The following KCNK9 variants were observed in gnomAD, a reference collection of about 807,000 sequenced individuals.
KCNK9 encodes the protein potassium channel subfamily K member 9.
A neutral mutation model predicts 10.8 loss-of-function variants in KCNK9; 1 was observed. The observed-to-expected ratio is 0.09, with a 90% CI of 0.03 to 0.44. KCNK9 has a LOEUF of 0.44. Among genes scored for constraint, KCNK9 ranks in the 20% least tolerant of loss-of-function variants. KCNK9 has a pLI of 0.97. For missense variants in KCNK9, 303 were observed against 515.0 expected (o/e 0.59, Z 3.98); for synonymous variants, 231 against 222.7 (o/e 1.04, Z -0.33).
At chr8:139,644,763 G>T (rs1815624015) in intron 1 of KCNK9, among the ~76,000 whole-genome samples, 1 of 131,368 alleles carries the variant, frequency 7.6e-6, no homozygotes, top group African/African-American at 2.9e-5. Flanking sequence ...TACAATCCCA[G>T]CATGCCTTGC....
chr8:139,620,731 G>A (rs777594662), intron 1 of KCNK9, among the ~76,000 whole-genome samples: 11 of 152,140 alleles, frequency 7.2e-5, no homozygotes, highest in African/African-American at 1.4e-4. Context: ...CCCAGCTAGC[G>A]CTGAGCTCTG....
At chr8:139,626,015 T>C (rs780619965) in intron 1 of KCNK9, among the ~76,000 whole-genome samples, 47 of 152,320 alleles carry the variant, frequency 3.1e-4, no homozygotes, top group Non-Finnish European at 5.7e-4. Context: ...TAGTGCAAGA[T>C]GCATACTATA....
At chr8:139,671,511 CTTTTTTTTT>C (rs35081138) in intron 1 of KCNK9, among the ~76,000 whole-genome samples, 1 of 132,740 alleles carries the variant, frequency 7.5e-6, no homozygotes, top group Non-Finnish European at 1.6e-5. Flanking sequence ...TTTTTAGTTT[CTTTTTTTTT>C]TTTTTTTTTA....
intron 1 of KCNK9, among the ~76,000 whole-genome samples, chr8:139,628,165 G>A (rs533281923): frequency 1.4e-4 from 21 of 152,330 alleles, no homozygotes; most frequent in Admixed American, 6.5e-5. Flanking sequence ...GAGGGCGGCA[G>A]GAGAGTGAGG....
downstream of KCNK9, among the ~76,000 whole-genome samples, chr8:139,610,869 C>A (rs1487941033): frequency 1.3e-5 from 2 of 152,242 alleles, no homozygotes; most frequent in Non-Finnish European, 2.9e-5. Context: ...TATGCTGTGT[C>A]ATGTCTCCCA....
At chr8:139,670,331 A>T (rs1816397611) in intron 1 of KCNK9, among the ~76,000 whole-genome samples, 1 of 152,246 alleles carries the variant, frequency 6.6e-6, no homozygotes, top group Non-Finnish European at 1.5e-5. Context: ...AATGAGACGC[A>T]GAGACCCAAA....
chr8:139,661,816 A>G (rs1816157689), intron 1 of KCNK9, among the ~76,000 whole-genome samples: 1 of 152,182 alleles, frequency 6.6e-6, no homozygotes, highest in South Asian at 2.1e-4. Flanking sequence ...CTGGGCTGCA[A>G]AGGGGACCAT....
At chr8:139,651,369 C>T (rs12544666) in intron 1 of KCNK9, among the ~76,000 whole-genome samples, 12,095 of 152,286 alleles carry the variant, frequency 0.079, 541 homozygotes, top group South Asian at 0.13. Flanking sequence ...CTCCTGACCA[C>T]GGATGGGCAC....
intron 1 of KCNK9, among the ~76,000 whole-genome samples, chr8:139,700,203 G>A (rs185780785): frequency 1.3e-5 from 2 of 152,336 alleles, no homozygotes; most frequent in African/African-American, 4.8e-5. Context: ...GTCCAAGAGC[G>A]TGGATTCCGT....
rs574616120 is a variant in KCNK9, at chr8:139,641,217, G to A, written c.284-22118C>T. ...GTGCTGTGGTGAGAACCCTGGGCCC[G>A]GACCCTGCAGGAACAGCTCATTCAT... is the stretch of plus-strand genomic sequence containing the variant. On this transcript the variant is annotated intron_variant, in intron 1 of 1. Transcript: ENST00000520439. 1.0e-3 allele frequency among the ~76,000 whole-genome samples: 157 copies of A among 152,260 alleles called. 5 individuals are homozygous for A. Among genetic ancestry groups the A allele is most frequent in the Admixed American group, 9.7e-3 (148 of 15,302 alleles).
chr8:139,657,386 A>G (rs1816047931), intron 1 of KCNK9, among the ~76,000 whole-genome samples: 1 of 152,126 alleles, frequency 6.6e-6, no homozygotes, highest in South Asian at 2.1e-4. Flanking sequence ...AGCTGCTTCC[A>G]CCCTTAGGCA....
intron 1 of KCNK9, among the ~76,000 whole-genome samples, chr8:139,666,744 C>T (rs577887840): frequency 8.5e-5 from 13 of 152,368 alleles, no homozygotes; most frequent in African/African-American, 2.6e-4. Context: ...TAGCTGTATC[C>T]GCTAGTTGGC....
At position 139,618,441 on chromosome 8, in the gene KCNK9, C is replaced by T. The variant is rs140520381; in HGVS notation, c.942G>A (p.Pro314=). The T allele has an allele frequency of 1.7e-5, 27 of 1,614,072 alleles. No individual in the cohort carries two copies. The East Asian group carries it at 3.8e-4, about 23-fold the overall frequency. ...SQDYGGRSVA[P]QNSFSAKLAP... Reference sequence around the variant, plus strand: ...CAAGCTTGGCGCTGAAGGAGTTCTGCGGTGCCACCGAGCGGCCGCCATAGT... The same window carrying T: ...CAAGCTTGGCGCTGAAGGAGTTCTGTGGTGCCACCGAGCGGCCGCCATAGT... Residue 314 remains proline, a synonymous_variant, in exon 2 of 2, where the codon CCG becomes CCA. Transcript: ENST00000520439. This position sits in a 1 kb window ranked among gnomAD's most constrained non-coding sequence, Gnocchi z 7.9.
chr8:139,610,255 G>C (rs1294516541), downstream of KCNK9, among the ~76,000 whole-genome samples: 3 of 152,174 alleles, frequency 2.0e-5, no homozygotes, highest in African/African-American at 7.2e-5. Context: ...ACCCTGTGCT[G>C]GGTGACAGAC....
chr8:139,640,641 T>C (rs1381077402), intron 1 of KCNK9, among the ~76,000 whole-genome samples: 1 of 152,194 alleles, frequency 6.6e-6, no homozygotes, highest in Non-Finnish European at 1.5e-5. Flanking sequence ...CAACCCCTCT[T>C]GCCCTGTGGG....
At chr8:139,646,309 C>T (rs544354314) in intron 1 of KCNK9, among the ~76,000 whole-genome samples, 35 of 152,360 alleles carry the variant, frequency 2.3e-4, no homozygotes, top group African/African-American at 3.4e-4. Flanking sequence ...ACACCAACAA[C>T]GGACACATTG....
At chr8:139,621,303 A>G (rs1814770574) in intron 1 of KCNK9, among the ~76,000 whole-genome samples, 1 of 151,952 alleles carries the variant, frequency 6.6e-6, no homozygotes, top group Non-Finnish European at 1.5e-5. Context: ...AAAAAAAAAA[A>G]AAATAGCCAA....
intron 1 of KCNK9, among the ~76,000 whole-genome samples, chr8:139,699,691 G>A (rs1045048306): frequency 8.5e-5 from 13 of 152,200 alleles, no homozygotes; most frequent in African/African-American, 2.7e-4. Flanking sequence ...ACTGTGCCCC[G>A]GGATCCCCAG....
At chr8:139,695,474 C>G (rs937493572) in intron 1 of KCNK9, among the ~76,000 whole-genome samples, 1 of 152,208 alleles carries the variant, frequency 6.6e-6, no homozygotes, top group Non-Finnish European at 1.5e-5. Flanking sequence ...CTCCACTCAG[C>G]CCTCCCTTTG....
Sources: gnomAD v4.1 joint callset for allele counts (sites outside exome capture counted in the v4.1 genomes callset) on GRCh38, gnomAD v4.1.1 for gene constraint, Gnocchi (gnomAD v3.1) non-coding constraint, MANE v1.5 for transcripts, NCBI Gene and HGNC (gene_info 2026-07-23, HGNC 2026-07-21) for gene names.